EXOC6B: variants seen among roughly 807,000 people sequenced by gnomAD.
The protein encoded by EXOC6B is SEC15 homolog B.
In EXOC6B, 54 loss-of-function variants were observed where a neutral mutation model predicts 113.5. The ratio of observed to expected loss-of-function variants is 0.48; its 90% CI spans 0.38 to 0.60. The LOEUF (loss-of-function observed/expected upper bound fraction) is 0.60, where lower values mean the gene tolerates loss of function less well. Ranked by LOEUF, EXOC6B falls within the 20% of genes least tolerant of loss-of-function variation. The pLI is 0.00. For synonymous variants in EXOC6B, 357 were observed against 339.0 expected (o/e 1.05, Z -0.58); for missense variants, 797 against 977.5 (o/e 0.82, Z 2.46).
At chr2:72,200,254 T>C (rs1679410545) in intron 20 of EXOC6B, among the ~76,000 whole-genome samples, 2 of 152,206 alleles carry the variant, frequency 1.3e-5, no homozygotes, top group African/African-American at 4.8e-5. Flanking sequence ...TAGCCCTGGA[T>C]TTGTCATTAG....
chr2:72,335,358 A>G (rs1384103880), intron 19 of EXOC6B: 1 of 184,540 alleles, frequency 5.4e-6, no homozygotes, highest in East Asian at 1.4e-4. Flanking sequence ...TTTTCCTCTC[A>G]ACACAATAAA....
intron 1 of EXOC6B, among the ~76,000 whole-genome samples, chr2:72,788,054 T>TA (rs1234449510): frequency 6.6e-6 from 1 of 152,232 alleles, no homozygotes; most frequent in African/African-American, 2.4e-5. Flanking sequence ...ATAGTGTTCT[T>TA]ACCTGACATA....
intron 1 of EXOC6B, among the ~76,000 whole-genome samples, chr2:72,792,794 G>A (rs973175826): frequency 6.6e-6 from 1 of 152,012 alleles, no homozygotes; most frequent in Non-Finnish European, 1.5e-5. Flanking sequence ...TCACTATCTT[G>A]TTCCTTCCCA....
At chr2:72,368,290 T>C (rs1035896318) in intron 19 of EXOC6B, among the ~76,000 whole-genome samples, 1 of 152,070 alleles carries the variant, frequency 6.6e-6, no homozygotes, top group Non-Finnish European at 1.5e-5. Flanking sequence ...CCTCGACACA[T>C]ACACACTCCC....
At chr2:72,386,428 C>T (rs1056532640) in intron 18 of EXOC6B, among the ~76,000 whole-genome samples, 7 of 152,116 alleles carry the variant, frequency 4.6e-5, no homozygotes, top group African/African-American at 7.2e-5. Flanking sequence ...AAAAGGTCTC[C>T]GAGGCAAGTC....
chr2:72,783,525 T>C (rs966826525), intron 1 of EXOC6B, among the ~76,000 whole-genome samples: 93 of 152,084 alleles, frequency 6.1e-4, no homozygotes, highest in Non-Finnish European at 3.8e-4. Flanking sequence ...GGTTTCACCA[T>C]GTTGGTCAGG....
chr2:72,613,304 A>G (rs1671186397), intron 6 of EXOC6B, among the ~76,000 whole-genome samples: 1 of 152,160 alleles, frequency 6.6e-6, no homozygotes, highest in Non-Finnish European at 1.5e-5. Flanking sequence ...GGAAACAAAA[A>G]CTATTTTCAC....
At chr2:72,229,295 G>A (rs74433186) in intron 20 of EXOC6B, among the ~76,000 whole-genome samples, 324 of 152,252 alleles carry the variant, frequency 2.1e-3, no homozygotes, top group South Asian at 4.6e-3. Context: ...GGGAGACGTC[G>A]TTAAGATCTA....
chr2:72,430,805 C>T (rs1695476553), intron 18 of EXOC6B, among the ~76,000 whole-genome samples: 1 of 152,138 alleles, frequency 6.6e-6, no homozygotes, highest in African/African-American at 2.4e-5. Context: ...AGAAGAATTC[C>T]TAAATGTCAC....
At chr2:72,322,690 T>C (rs1162958433) in intron 20 of EXOC6B, among the ~76,000 whole-genome samples, 2 of 151,954 alleles carry the variant, frequency 1.3e-5, no homozygotes. Flanking sequence ...ACACCATACA[T>C]CTATAACCAT....
chr2:72,413,263 G>A (rs946342196), intron 18 of EXOC6B, among the ~76,000 whole-genome samples: 1 of 151,296 alleles, frequency 6.6e-6, no homozygotes, highest in African/African-American at 2.4e-5. Context: ...GCCCAGCCCA[G>A]AAGTCCTTAA....
At chr2:72,304,475 T>TA (rs1319850281) in intron 20 of EXOC6B, among the ~76,000 whole-genome samples, 2 of 152,186 alleles carry the variant, frequency 1.3e-5, no homozygotes, top group African/African-American at 4.8e-5. Flanking sequence ...TGCCCAACAC[T>TA]AGATATCATG....
intron 11 of EXOC6B, among the ~76,000 whole-genome samples, chr2:72,512,320 G>T (rs1447426019): frequency 1.1e-4 from 1 of 9,062 alleles, no homozygotes; most frequent in African/African-American, 3.0e-4. Flanking sequence ...AACACGGAAG[G>T]AAGGAAGGAA....
chr2:72,760,031 G>A (rs1351124953), intron 1 of EXOC6B, among the ~76,000 whole-genome samples: 2 of 152,146 alleles, frequency 1.3e-5, no homozygotes, highest in East Asian at 3.9e-4. Flanking sequence ...AGAAACACCA[G>A]TGAAAACCAA....
chr2:72,825,986 A>ACCACAGGCT lies in EXOC6B; in HGVS notation c.-85_-77dup, dbSNP rs1156715308. On this transcript the variant is annotated 5_prime_UTR_variant, in exon 1 of 22. Coordinates refer to ENST00000272427, the MANE Select transcript of EXOC6B (RefSeq NM_015189.3). This position sits in a 1 kb window ranked among gnomAD's most constrained non-coding sequence, Gnocchi z 4.4. Reference sequence around the variant, plus strand: ...TTCCCTGCCCCACAATGCCGCTCCCACCACAGGCTCCACAGCCGCCCCAGC... The same window carrying ACCACAGGCT: ...TTCCCTGCCCCACAATGCCGCTCCCACCACAGGCTCCACAGGCTCCACAGCCGCCCCAGC... 2 of 1,554,682 alleles carry ACCACAGGCT rather than the reference A, an allele frequency of 1.3e-6. No individual in the cohort carries two copies. Among genetic ancestry groups the ACCACAGGCT allele is most frequent in the African/African-American group, 2.7e-5 (2 of 73,478 alleles).
At chr2:72,823,482 A>AAAAC (rs1559031768) in intron 1 of EXOC6B, among the ~76,000 whole-genome samples, 1 of 138,984 alleles carries the variant, frequency 7.2e-6, no homozygotes, top group East Asian at 2.0e-4. Context: ...AAAAAAACAA[A>AAAAC]AAACAAAAAA....
intron 20 of EXOC6B, among the ~76,000 whole-genome samples, chr2:72,304,298 A>G (rs1253318815): frequency 2.6e-5 from 4 of 152,222 alleles, no homozygotes; most frequent in African/African-American, 9.7e-5. Context: ...TCTTGTACAT[A>G]TGTGAGTATT....
chr2:72,780,389 C>G (rs570795627), intron 1 of EXOC6B, among the ~76,000 whole-genome samples: 2 of 152,230 alleles, frequency 1.3e-5, no homozygotes, highest in South Asian at 4.1e-4. Context: ...ATAAAATAAC[C>G]TGATTATACA....
At chr2:72,426,834 G>A (rs1013350610) in intron 18 of EXOC6B, among the ~76,000 whole-genome samples, 5 of 152,332 alleles carry the variant, frequency 3.3e-5, no homozygotes, top group African/African-American at 7.2e-5. Flanking sequence ...CAGGCCATCC[G>A]GAGCGGCCGC....
Sources: allele counts gnomAD v4.1 joint callset (sites outside exome capture counted in the v4.1 genomes callset), GRCh38; gene constraint gnomAD v4.1.1; non-coding constraint Gnocchi (gnomAD v3.1); transcripts MANE v1.5; gene names NCBI Gene and HGNC (gene_info 2026-07-23, HGNC 2026-07-21).